The following MAP2K5 variants were observed in gnomAD, a reference collection of about 807,000 sequenced individuals.
The protein encoded by MAP2K5 is mitogen-activated protein kinase kinase 5, also known as dual specificity mitogen-activated protein kinase kinase 5.
A neutral mutation model predicts 83.1 loss-of-function variants in MAP2K5; 49 were observed. The observed-to-expected ratio is 0.59, with a 90% CI of 0.47 to 0.75. The LOEUF (loss-of-function observed/expected upper bound fraction) is 0.75. Among genes scored for constraint, MAP2K5 ranks in the 30% least tolerant of loss-of-function variants. MAP2K5 has a pLI of 0.00. For missense variants in MAP2K5, 457 were observed against 557.5 expected (o/e 0.82, Z 1.82); for synonymous variants, 202 against 191.8 (o/e 1.05, Z -0.44).
chr15:67,709,368 A>G (rs763979760), intron 16 of MAP2K5, among the ~76,000 whole-genome samples: 15 of 152,046 alleles, frequency 9.9e-5, no homozygotes, highest in Non-Finnish European at 2.1e-4. Flanking sequence ...TAGGAGGGTA[A>G]TCCTTCCCTG....
In MAP2K5 at chr15:67,720,659, C is replaced by T. The variant is rs893827815; in HGVS notation, c.1045-7257C>T. Among the ~76,000 whole-genome samples, 11 of 152,080 alleles carry T rather than the reference C, an allele frequency of 7.2e-5. No individual in the cohort carries two copies. The highest frequency in any genetic ancestry group is 1.9e-4 in the African/African-American group (8 of 41,394). Reference sequence around the variant, plus strand: ...TAATTGCTATGTGGCGGATGAGCCCCGTCAGAAGAGCTGAAAATGAGGAAG... The same window carrying T: ...TAATTGCTATGTGGCGGATGAGCCCTGTCAGAAGAGCTGAAAATGAGGAAG... On this transcript the variant is annotated intron_variant, in intron 16 of 21. Transcript: ENST00000178640. This position sits in a 1 kb window ranked among gnomAD's most constrained non-coding sequence, Gnocchi z 5.7.
At chr15:67,761,078 G>A (rs2141289399) in intron 19 of MAP2K5, among the ~76,000 whole-genome samples, 1 of 152,114 alleles carries the variant, frequency 6.6e-6, no homozygotes, top group South Asian at 2.1e-4. Flanking sequence ...GCATTCCAGG[G>A]AGTGTAAGTT....
In MAP2K5 at chr15:67,783,421, C is replaced by T. The variant is rs540001977; in HGVS notation, c.1242+10669C>T. Among the ~76,000 whole-genome samples, 4 of 152,310 alleles carry T rather than the reference C, an allele frequency of 2.6e-5. No individual in the cohort carries two copies. The highest frequency in any genetic ancestry group is 9.6e-5 in the African/African-American group (4 of 41,568). ...GCATCCTCACACAGTCATGTCTTTG[C>T]TTGTGCTGTTTTCTCACCGCCAGAT... On this transcript the variant is annotated intron_variant, in intron 21 of 21. Transcript: ENST00000178640. The surrounding 1 kb of genome is among the most constrained non-coding windows in gnomAD (Gnocchi z 5.1).
At position 67,768,969 on chromosome 15, in the gene MAP2K5, T is replaced by C. The variant is rs965999996; in HGVS notation, c.1135-633T>C. On this transcript the variant is annotated intron_variant, in intron 19 of 21. Transcript: ENST00000178640. This position sits in a 1 kb window ranked among gnomAD's most constrained non-coding sequence, Gnocchi z 4.0. ...ACTCCCACCTCCATCCTAGTTTTGG[T>C]TGGTGGTCAAGTTGGGAGTTTTTCA... 6.6e-6 allele frequency among the ~76,000 whole-genome samples: 1 copy of C among 152,196 alleles called. No homozygotes were observed. Among genetic ancestry groups the C allele is most frequent in the Non-Finnish European group, 1.5e-5 (1 of 68,038 alleles).
chr15:67,791,992 C>T (rs2090525726), intron 21 of MAP2K5, among the ~76,000 whole-genome samples: 1 of 152,176 alleles, frequency 6.6e-6, no homozygotes, highest in East Asian at 1.9e-4. Context: ...TACCTCCTAC[C>T]TCTTCATAAC....
chr15:67,661,016 C>T lies in MAP2K5; in HGVS notation c.798+2402C>T, dbSNP rs574168357. Among the ~76,000 whole-genome samples the T allele has an allele frequency of 4.2e-5, 5 of 119,042 alleles. No homozygotes were observed. In the East Asian group the frequency reaches 1.3e-3, roughly 30 times the overall value. 78.1% of individuals were successfully genotyped at this position (119,042 alleles called of 152,430 possible). On this transcript the variant is annotated intron_variant, in intron 12 of 21. Transcript: ENST00000178640. ...AGGTATCTCTCTTTTCCCAAATTAACTTTATTTTCCAGGGTCTAATAATCT... is the reference window on the plus strand; with the variant it reads ...AGGTATCTCTCTTTTCCCAAATTAATTTTATTTTCCAGGGTCTAATAATCT...
At chr15:67,566,357 G>T (rs2084839549) in intron 3 of MAP2K5, among the ~76,000 whole-genome samples, 1 of 151,974 alleles carries the variant, frequency 6.6e-6, no homozygotes, top group East Asian at 1.9e-4. Flanking sequence ...GTACTTTTTG[G>T]TAGAGATGGG....
rs567228683 is a variant in MAP2K5 at position 67,642,305 on chromosome 15, C to T, written c.586-3926C>T. Reference sequence around the variant, plus strand: ...ATCCTACATCACTTACTAGGCACTACTGTGAGTTAGACCCTGTGTGGAGTG... The same window carrying T: ...ATCCTACATCACTTACTAGGCACTATTGTGAGTTAGACCCTGTGTGGAGTG... On this transcript the variant is annotated intron_variant, in intron 9 of 21. Transcript: ENST00000178640. 36 of 644,404 alleles carry T rather than the reference C, an allele frequency of 5.6e-5. No homozygotes were observed. The East Asian group carries it at 9.8e-4, about 18-fold the overall frequency. The allele number at this position is 644,404 out of a possible 1,614,324, so 39.9% of individuals were successfully genotyped here. A position where few individuals can be genotyped will look rare whatever the true frequency, so the allele number is the denominator to read the frequency against.
rs1227174342 is a variant in MAP2K5, at chr15:67,559,344, T to G, written c.185-3939T>G. ...CAGTGGGTGCTGTTTGGCTGAGAGC[T>G]CCCTGGAGTCTGCTGTTTATCTGCT... On this transcript the variant is annotated intron_variant, in intron 2 of 21. Coordinates refer to ENST00000178640, the MANE Select transcript of MAP2K5 (RefSeq NM_145160.3). The surrounding 1 kb of genome is among the most constrained non-coding windows in gnomAD (Gnocchi z 4.7). 6.6e-6 allele frequency among the ~76,000 whole-genome samples: 1 copy of G among 152,186 alleles called. No homozygotes were observed. Among genetic ancestry groups the G allele is most frequent in the Non-Finnish European group, 1.5e-5 (1 of 68,028 alleles).
Position 67,563,492 on chromosome 15 carries a change from C to A in MAP2K5, c.252+142C>A. Reference sequence around the variant, plus strand: ...TAATAGGTAAAGGTTTCAAGGATTTCCGTATGTGAAAGTTAAGGGCATTAT... The same window carrying A: ...TAATAGGTAAAGGTTTCAAGGATTTACGTATGTGAAAGTTAAGGGCATTAT... On this transcript the variant is annotated intron_variant, in intron 3 of 21. Coordinates refer to ENST00000178640, the MANE Select transcript of MAP2K5 (RefSeq NM_145160.3). The surrounding 1 kb of genome is among the most constrained non-coding windows in gnomAD (Gnocchi z 4.5). 9.5e-7 allele frequency: 1 copy of A among 1,054,352 alleles called. No individual in the cohort carries two copies. The allele number at this position is 1,054,352 out of a possible 1,614,324, so 65.3% of individuals were successfully genotyped here.
chr15:67,722,948 C>T lies in MAP2K5; in HGVS notation c.1045-4968C>T, dbSNP rs897936845. ...GCTTATTTTCAATTTGTAGTTATGC[C>T]GAGAAACATAGAATATGTCTAAATT... On this transcript the variant is annotated intron_variant, in intron 16 of 21. Coordinates refer to ENST00000178640, the MANE Select transcript of MAP2K5 (RefSeq NM_145160.3). This position sits in a 1 kb window ranked among gnomAD's most constrained non-coding sequence, Gnocchi z 4.2. 2.0e-5 allele frequency among the ~76,000 whole-genome samples: 3 copies of T among 151,852 alleles called. No homozygotes were observed. The highest frequency in any genetic ancestry group is 1.9e-4 in the East Asian group (1 of 5,190).
In MAP2K5 at chr15:67,623,749, C is replaced by T. The variant is rs369942237; in HGVS notation, c.546-7139C>T. 8.6e-5 allele frequency among the ~76,000 whole-genome samples: 13 copies of T among 151,928 alleles called. No homozygotes were observed. In the East Asian group the frequency reaches 2.6e-3, roughly 30 times the overall value. ...AGTAGCTGGGATTACAGGCACCCAC[C>T]ACCACACTGGGCTAATTTTGTATTT... On this transcript the variant is annotated intron_variant, in intron 8 of 21. Transcript: ENST00000178640.
rs1669783484 is a variant in MAP2K5 at position 67,573,885 on chromosome 15, C to T, written c.253-6869C>T. Among the ~76,000 whole-genome samples the T allele has an allele frequency of 6.6e-6, 1 of 152,086 alleles. No homozygotes were observed. The highest frequency in any genetic ancestry group is 1.5e-5 in the Non-Finnish European group (1 of 67,968). On this transcript the variant is annotated intron_variant, in intron 3 of 21. Transcript: ENST00000178640. This position sits in a 1 kb window ranked among gnomAD's most constrained non-coding sequence, Gnocchi z 4.2. ...ACCAGCCTTGTAGTGCAGCGCATCT[C>T]CTCCATATGGTTTTTTGCTTTGTTA...
At chr15:67,592,237 C>T (rs1288573014) in intron 6 of MAP2K5, among the ~76,000 whole-genome samples, 1 of 151,940 alleles carries the variant, frequency 6.6e-6, no homozygotes, top group African/African-American at 2.4e-5. Flanking sequence ...AGTCTCATAC[C>T]CATAGGAAAG....
In MAP2K5 at chr15:67,695,344, T is replaced by C. The variant is rs146095626; in HGVS notation, c.972+1776T>C. 1.4e-4 allele frequency among the ~76,000 whole-genome samples: 22 copies of C among 152,302 alleles called. No homozygotes were observed. In the East Asian group the frequency reaches 4.0e-3, roughly 28 times the overall value. ...AACCTAAACCTTCTTCTCAGAACAA[T>C]ACAAAACATTTTGTTTTCATTCAGA... On this transcript the variant is annotated intron_variant, in intron 15 of 21. Coordinates refer to ENST00000178640, the MANE Select transcript of MAP2K5 (RefSeq NM_145160.3).
chr15:67,791,493 A>G (rs2090517823), intron 21 of MAP2K5, among the ~76,000 whole-genome samples: 1 of 152,224 alleles, frequency 6.6e-6, no homozygotes. Flanking sequence ...ACTTTCTGAT[A>G]GGGCTTTTGG....
rs1385549246 is a variant in MAP2K5, at chr15:67,640,020, T to C, written c.586-6211T>C. On this transcript the variant is annotated intron_variant, in intron 9 of 21. Transcript: ENST00000178640. The surrounding 1 kb of genome is among the most constrained non-coding windows in gnomAD (Gnocchi z 4.6). ...CCCTGTATATGTCTTTTAAGGGTGT[T>C]ATCACCAACTGCCTTGTATTTTGCT... is the stretch of plus-strand genomic sequence containing the variant. 6.6e-6 allele frequency among the ~76,000 whole-genome samples: 1 copy of C among 152,206 alleles called. No homozygotes were observed. Among genetic ancestry groups the C allele is most frequent in the African/African-American group, 2.4e-5 (1 of 41,450 alleles).
At chr15:67,629,565 AT>A (rs1054247532) in intron 8 of MAP2K5, among the ~76,000 whole-genome samples, 1 of 152,026 alleles carries the variant, frequency 6.6e-6, no homozygotes, top group African/African-American at 2.4e-5. Context: ...TTTTGGTTTT[AT>A]TTTTGTTTTA....
rs180687343 is a variant in MAP2K5, at chr15:67,636,466, T to C, written c.585+5539T>C. Among the ~76,000 whole-genome samples the C allele has an allele frequency of 2.4e-3, 370 of 152,256 alleles. No homozygotes were observed. Among genetic ancestry groups the C allele is most frequent in the African/African-American group, 8.4e-3 (351 of 41,544 alleles). ...ATAACTGAATTAGTGGCCTTATCTA[T>C]TTATTCCATCATATGTGTCATATCT... is the stretch of plus-strand genomic sequence containing the variant. On this transcript the variant is annotated intron_variant, in intron 9 of 21. Coordinates refer to ENST00000178640, the MANE Select transcript of MAP2K5 (RefSeq NM_145160.3). The surrounding 1 kb of genome is among the most constrained non-coding windows in gnomAD (Gnocchi z 4.7).
Sources: gnomAD v4.1 joint callset for allele counts (sites outside exome capture counted in the v4.1 genomes callset) on GRCh38, gnomAD v4.1.1 for gene constraint, Gnocchi (gnomAD v3.1) non-coding constraint, MANE v1.5 for transcripts, NCBI Gene and HGNC (gene_info 2026-07-23, HGNC 2026-07-21) for gene names.